Variants in SCN8A observed in about 807,000 individuals in gnomAD.
SCN8A encodes sodium channel protein type 8 subunit alpha.
SCN8A carries 30 observed loss-of-function variants against 184.1 expected under a neutral mutation model. That is an observed-to-expected ratio of 0.16 (90% CI 0.12 to 0.22). SCN8A has a LOEUF of 0.22. Among genes scored for constraint, SCN8A ranks in the 10% least tolerant of loss-of-function variants. SCN8A has a pLI of 1.00. For synonymous variants in SCN8A, 852 were observed against 907.0 expected, an observed-to-expected ratio of 0.94 and a Z score of 1.09; for missense variants, 1,057 against 2,498.9, an observed-to-expected ratio of 0.42 and a Z score of 12.30.
At chr12:51,780,403 T>G (rs1565923316) in intron 20 of SCN8A, 2 of 383,936 alleles carry the variant, frequency 5.2e-6, no homozygotes, top group African/African-American at 4.3e-5. Flanking sequence ...TTCTCTTCCC[T>G]GTTGTTTTTT....
Position 51,806,160 on chromosome 12 carries a change from A to G in SCN8A, c.4796-122A>G. The stretch of plus-strand genomic sequence containing the variant: ...CACTTTTTGAGAGTTCAGACTGAAT[A>G]GTAAGGCACTTATTCTGCAAAGCCC... On this transcript the variant is annotated intron_variant, in intron 26 of 26. Coordinates refer to ENST00000627620, the MANE Select transcript of SCN8A (RefSeq NM_001330260.2). The surrounding 1 kb of genome is among the most constrained non-coding windows in gnomAD (Gnocchi z 8.7). 1.1e-6 allele frequency: 1 copy of G among 906,824 alleles called. No individual in the cohort carries two copies. Among genetic ancestry groups the G allele is most frequent in the South Asian group, 2.5e-5 (1 of 40,442 alleles). The allele number at this position is 906,824 out of a possible 1,614,324, so 56.2% of individuals were successfully genotyped here. A position where few individuals can be genotyped will look rare whatever the true frequency, so the allele number is the denominator to read the frequency against.
intron 2 of SCN8A, among the ~76,000 whole-genome samples, chr12:51,680,976 C>T (rs1265637510): frequency 6.6e-6 from 1 of 151,948 alleles, no homozygotes; most frequent in Non-Finnish European, 1.5e-5. Flanking sequence ...TGCACTCCAA[C>T]CTGGGCAACA....
intron 6 of SCN8A, among the ~76,000 whole-genome samples, chr12:51,698,866 C>T (rs1194658195): frequency 6.6e-6 from 1 of 151,860 alleles, no homozygotes; most frequent in Non-Finnish European, 1.5e-5. Context: ...ATTATTGTAC[C>T]TTCTCATTTA....
At chr12:51,626,973 TA>T (rs1408135236) in intron 1 of SCN8A, among the ~76,000 whole-genome samples, 1 of 152,120 alleles carries the variant, frequency 6.6e-6, no homozygotes, top group Non-Finnish European at 1.5e-5. Context: ...GGCAGATATT[TA>T]AAAAAACTCA....
At chr12:51,633,536 T>C (rs1940246791) in intron 1 of SCN8A, among the ~76,000 whole-genome samples, 2 of 152,356 alleles carry the variant, frequency 1.3e-5, no homozygotes, top group African/African-American at 4.8e-5. Flanking sequence ...CTAGAATATG[T>C]CTTTCTCTCC....
chr12:51,784,974 G>T (rs962777634), intron 21 of SCN8A, among the ~76,000 whole-genome samples: 2 of 152,176 alleles, frequency 1.3e-5, no homozygotes, highest in Admixed American at 6.5e-5. Flanking sequence ...AGAAAGTCAC[G>T]ATCTCCCACC....
intron 11 of SCN8A, chr12:51,713,051 G>C: frequency 2.6e-6 from 4 of 1,516,020 alleles, no homozygotes; most frequent in Non-Finnish European, 3.6e-6. Flanking sequence ...TGGTATTTCT[G>C]AACAACAATT....
intron 1 of SCN8A, among the ~76,000 whole-genome samples, chr12:51,640,727 G>C (rs1255258655): frequency 6.6e-6 from 1 of 152,170 alleles, no homozygotes; most frequent in South Asian, 2.1e-4. Flanking sequence ...AGGAGCCATG[G>C]CTATCAAACC....
At chr12:51,595,951 G>C (rs1260594377) in intron 1 of SCN8A, among the ~76,000 whole-genome samples, 1 of 152,164 alleles carries the variant, frequency 6.6e-6, no homozygotes, top group Non-Finnish European at 1.5e-5. Flanking sequence ...TGCAAATGTG[G>C]TTACCAAAGT....
In SCN8A at chr12:51,721,814, G is replaced by A; in HGVS notation, c.1904G>A (p.Arg635His). The change falls in exon 12 of 27, where the codon CGC (arginine) becomes CAC (histidine). Residue 635 changes from arginine (R) to histidine (H), a missense_variant. Physicochemically the swap from Arg to His is conservative, Grantham distance 29 (BLOSUM62 0). Transcript: ENST00000627620. ...RSSRIFPSLR[R>H]SVKRNSTVDC... ...TCGCGCATCTTCCCCAGCCTGCGGC[G>A]CAGCGTGAAGCGCAACAGCACGGTG... 1 of 1,607,436 alleles carries A rather than the reference G, an allele frequency of 6.2e-7. No homozygotes were observed. The highest frequency in any genetic ancestry group is 8.5e-7 in the Non-Finnish European group (1 of 1,179,538).
At chr12:51,775,604 G>C (rs1937667179) in intron 20 of SCN8A, among the ~76,000 whole-genome samples, 1 of 152,180 alleles carries the variant, frequency 6.6e-6, no homozygotes, top group Non-Finnish European at 1.5e-5. Flanking sequence ...CCATCCTGTG[G>C]TGGAAGGACC....
intron 5 of SCN8A, chr12:51,688,697 C>G (rs1032158712): frequency 5.1e-6 from 6 of 1,187,626 alleles, no homozygotes; most frequent in African/African-American, 3.0e-5. Context: ...CTTTCTTCCC[C>G]CCATTCTCAA....
At chr12:51,731,114 A>G (rs1397604266) in intron 12 of SCN8A, among the ~76,000 whole-genome samples, 4 of 152,196 alleles carry the variant, frequency 2.6e-5, no homozygotes, top group Admixed American at 6.5e-5. Flanking sequence ...CCATTCATCT[A>G]TTGATGGACA....
chr12:51,748,896 C>G (rs1167974159), intron 13 of SCN8A, among the ~76,000 whole-genome samples: 1 of 152,190 alleles, frequency 6.6e-6, no homozygotes, highest in Admixed American at 6.5e-5. Flanking sequence ...TCAGAAACCT[C>G]ATGGTCTACC....
At chr12:51,780,565 C>CTTTTCTTTTTTTTTT (rs1937873541) in intron 20 of SCN8A, 84 bp from the exon 21 acceptor site, 1 of 293,020 alleles carries the variant, frequency 3.4e-6, no homozygotes, top group African/African-American at 1.3e-4. Context: ...TGTTTTCTTT[C>CTTTTCTTTTTTTTTT]TTTTTTTTTT....
At chr12:51,661,138 C>A (rs187094241) in intron 1 of SCN8A, among the ~76,000 whole-genome samples, 19 of 152,226 alleles carry the variant, frequency 1.2e-4, no homozygotes, top group African/African-American at 3.1e-4. Flanking sequence ...GATTTTTATC[C>A]TGGCCCTGTG....
chr12:51,712,497 C>T (rs1427019925), intron 11 of SCN8A: 1 of 770,198 alleles, frequency 1.3e-6, no homozygotes, highest in Non-Finnish European at 2.4e-6. Context: ...CCACTTCCAC[C>T]ACTAGATGCA....
At chr12:51,646,636 T>C (rs1410741977) in intron 1 of SCN8A, among the ~76,000 whole-genome samples, 1 of 152,202 alleles carries the variant, frequency 6.6e-6, no homozygotes, top group Non-Finnish European at 1.5e-5. Context: ...GCATCATAAC[T>C]TGAATCAAGG....
At chr12:51,715,107 G>C (rs1461076623) in intron 11 of SCN8A, among the ~76,000 whole-genome samples, 3 of 152,064 alleles carry the variant, frequency 2.0e-5, no homozygotes, top group Non-Finnish European at 4.4e-5. Context: ...TTGGATCCTG[G>C]GTACAAGGAG....
Sources: allele counts gnomAD v4.1 joint callset (sites outside exome capture counted in the v4.1 genomes callset), GRCh38; gene constraint gnomAD v4.1.1; non-coding constraint Gnocchi (gnomAD v3.1); transcripts MANE v1.5; gene names NCBI Gene and HGNC (gene_info 2026-07-23, HGNC 2026-07-21).